CEP72: variants seen among roughly 807,000 people sequenced by gnomAD.
CEP72 encodes the protein centrosomal protein of 72 kDa.
Under a neutral mutation model 65.7 loss-of-function variants are expected in CEP72, and 78 were observed. The ratio of observed to expected loss-of-function variants is 1.19; its 90% confidence interval spans 0.99 to 1.43. The LOEUF is 1.43. CEP72 is among the 40% of genes most tolerant of loss of function. The pLI is 0.00. For missense variants in CEP72, 914 were observed against 832.9 expected, an observed-to-expected ratio of 1.10 and a Z score of -1.20; for synonymous variants, 358 against 351.7, an observed-to-expected ratio of 1.02 and a Z score of -0.20.
chr5:665,575 G>A (rs938529786), intron 3 of CEP72, among the ~76,000 whole-genome samples: 9 of 151,990 alleles, frequency 5.9e-5, no homozygotes, highest in Non-Finnish European at 1.0e-4. Flanking sequence ...GGAAGGGGCT[G>A]TCAGAACAGC....
At chr5:655,912 C>T (rs552069307), downstream of CEP72, among the ~76,000 whole-genome samples, 1 of 152,256 alleles carries the variant, frequency 6.6e-6, no homozygotes, top group East Asian at 1.9e-4. The surrounding 1 kb of genome is among the most constrained non-coding windows in gnomAD (Gnocchi z 5.0). Context: ...AAATTTTAAA[C>T]TTTAATATGG....
chr5:628,001 T>C (rs1294396544), intron 4 of CEP72, among the ~76,000 whole-genome samples: 1 of 152,200 alleles, frequency 6.6e-6, no homozygotes, highest in African/African-American at 2.4e-5. Flanking sequence ...CGTCACTCGG[T>C]GCGTGCAGAC....
At chr5:656,485 G>A (rs1171698882), downstream of CEP72, among the ~76,000 whole-genome samples, 1 of 151,318 alleles carries the variant, frequency 6.6e-6, no homozygotes, top group Non-Finnish European at 1.5e-5. Context: ...ACTTTTCACA[G>A]TGGTCTTGTA....
chr5:628,332 A>T (rs1454388331), intron 4 of CEP72, among the ~76,000 whole-genome samples: 1 of 152,170 alleles, frequency 6.6e-6, no homozygotes, highest in African/African-American at 2.4e-5. Flanking sequence ...CGCCCAAGGA[A>T]CTATGCTCAG....
chr5:673,226 C>T, the CEP72 span, among the ~76,000 whole-genome samples: 2 of 152,218 alleles, frequency 1.3e-5, no homozygotes, highest in East Asian at 1.9e-4. Flanking sequence ...TCTCTAGTGT[C>T]CCCAACGCCT....
chr5:665,104 A>C, intron 2 of CEP72: 1 of 1,609,666 alleles, frequency 6.2e-7, no homozygotes, highest in Non-Finnish European at 8.5e-7. Flanking sequence ...AGCGGGGGCT[A>C]CTTGCCCCCT....
intron 1 of CEP72, among the ~76,000 whole-genome samples, chr5:618,708 G>A (rs1178650697): frequency 6.6e-6 from 1 of 152,168 alleles, no homozygotes; most frequent in Non-Finnish European, 1.5e-5. Flanking sequence ...AACTGAACAG[G>A]ATTATTGCGA....
intron 9 of CEP72, chr5:642,900 A>C: frequency 2.0e-6 from 2 of 985,434 alleles, no homozygotes; most frequent in Non-Finnish European, 2.4e-6. Flanking sequence ...ATGAACCTAG[A>C]CCTTGCTTCC....
intron 8 of CEP72, 101 bp downstream of exon 8, chr5:639,325 C>G: frequency 7.4e-7 from 1 of 1,348,972 alleles, no homozygotes; most frequent in Non-Finnish European, 1.0e-6. Flanking sequence ...AGCCCCAGGT[C>G]TCCTATGTCC....
downstream of CEP72, among the ~76,000 whole-genome samples, chr5:669,076 C>T (rs6893815): frequency 9.1e-3 from 1,387 of 152,352 alleles, 27 homozygotes; most frequent in African/African-American, 0.031. Context: ...ACCAAGTGCT[C>T]GGGGTCCCAC....
At position 639,130 on chromosome 5, in the gene CEP72, G is replaced by A. The variant is rs763157640; in HGVS notation, c.1248G>A (p.Thr416=). 2.3e-5 allele frequency: 37 copies of A among 1,613,084 alleles called. No individual in the cohort carries two copies. The highest frequency in any genetic ancestry group is 2.9e-5 in the Non-Finnish European group (34 of 1,179,802). Residue 416 remains threonine (T), a synonymous_variant, in exon 8 of 12, where the codon ACG becomes ACA. Coordinates refer to ENST00000264935, the MANE Select transcript of CEP72 (RefSeq NM_018140.4). The part of the protein sequence containing the change: ...GSHSALPGKK[T]ALQAALLETL... ...ACTCGGCTCTACCCGGGAAGAAGAC[G>A]GCCCTGCAGGCGGCGCTCCTGGAGA...
At chr5:618,247 A>G (rs1394596339) in intron 1 of CEP72, among the ~76,000 whole-genome samples, 1 of 152,182 alleles carries the variant, frequency 6.6e-6, no homozygotes, top group African/African-American at 2.4e-5. Context: ...CATAAGCCGA[A>G]ACTTCAGGTA....
chr5:647,810 C>T lies in CEP72; in HGVS notation c.1672C>T (p.Gln558Ter). ...ATLNLQIAGLQTSVKRLCGEI... is the reference protein window; with the variant it reads ...ATLNLQIAGL ...TTTTTTTCTTTCTCTTTCAGGACTT[C>T]AAACAAGTGTGAAGAGGCTGTGTGG... The change falls in exon 11 of 12, where the codon CAA becomes TAA. Residue 558 changes from glutamine to a stop codon, truncating the protein, a stop_gained. Coordinates refer to ENST00000264935, the MANE Select transcript of CEP72 (RefSeq NM_018140.4). LOFTEE classifies it high-confidence loss of function. The T allele has an allele frequency of 6.2e-7, 1 of 1,606,582 alleles. No individual in the cohort carries two copies. The highest frequency in any genetic ancestry group is 8.5e-7 in the Non-Finnish European group (1 of 1,177,528).
chr5:670,304 G>A (rs151211160), downstream of CEP72, among the ~76,000 whole-genome samples: 54 of 152,262 alleles, frequency 3.5e-4, no homozygotes, highest in Admixed American at 2.5e-3. Flanking sequence ...GCCGGCGGGC[G>A]AGGTGACAGC....
In CEP72 at chr5:666,447, G is replaced by A. The variant is rs1035086619; in HGVS notation, n.592+348G>A. ...CTCCTCCCGGGGCCACCACAGCCCC[G>A]CCCAGCTGCGCCGGGAGCTGGGGGT... On this transcript the variant is annotated intron_variant and non_coding_transcript_variant, in intron 4 of 4. Coordinates refer to the CEP72 transcript ENST00000514507. Among the ~76,000 whole-genome samples the A allele has an allele frequency of 7.2e-5, 11 of 152,328 alleles. No individual in the cohort carries two copies. The Middle Eastern group carries it at 0.014, about 188-fold the overall frequency.
downstream of CEP72, among the ~76,000 whole-genome samples, chr5:669,477 T>C (rs1170181541): frequency 6.6e-6 from 1 of 152,102 alleles, no homozygotes; most frequent in East Asian, 1.9e-4. Flanking sequence ...GTTGACTCTC[T>C]GGGGCCCTTG....
At chr5:620,601 G>A (rs754582614) in intron 3 of CEP72, among the ~76,000 whole-genome samples, 6 of 152,184 alleles carry the variant, frequency 3.9e-5, no homozygotes, top group East Asian at 1.9e-4. Context: ...CTGTTTCCTC[G>A]CATAGCCCCC....
At chr5:667,755 A>G (rs1739981249), downstream of CEP72, among the ~76,000 whole-genome samples, 1 of 152,128 alleles carries the variant, frequency 6.6e-6, no homozygotes, top group South Asian at 2.1e-4. Context: ...AGACACCACC[A>G]GAGAAGACAC....
chr5:669,270 C>T (rs1042328510), downstream of CEP72, among the ~76,000 whole-genome samples: 16 of 137,190 alleles, frequency 1.2e-4, no homozygotes, highest in East Asian at 4.6e-4. Flanking sequence ...CCCCAGGGGG[C>T]GCTGGTGAGC....
Sources: gnomAD v4.1 joint callset for allele counts (sites outside exome capture counted in the v4.1 genomes callset) on GRCh38, gnomAD v4.1.1 for gene constraint, Gnocchi (gnomAD v3.1) non-coding constraint, MANE v1.5 for transcripts, NCBI Gene and HGNC (gene_info 2026-07-23, HGNC 2026-07-21) for gene names.